The following HDAC7 variants were observed in gnomAD, a reference collection of about 807,000 sequenced individuals.
HDAC7 encodes histone deacetylase 7A.
Under a neutral mutation model 115.5 loss-of-function variants are expected in HDAC7, and 26 were observed. The observed-to-expected ratio is 0.23, with a 90% CI of 0.16 to 0.31. HDAC7 has a LOEUF of 0.31. HDAC7 is among the 10% of genes least tolerant of loss of function. The pLI is 1.00. For missense variants in HDAC7, 1,068 were observed against 1,329.0 expected (o/e 0.80, Z 3.05); for synonymous variants, 564 against 550.9 (o/e 1.02, Z -0.33).
chr12:47,784,633 A>G, intron 24 of HDAC7: 4 of 1,274,098 alleles, frequency 3.1e-6, no homozygotes, highest in South Asian at 2.7e-5. Flanking sequence ...ACCAGTGCTC[A>G]GCCCAGCACT....
chr12:47,794,847 C>T lies in HDAC7; in HGVS notation c.1371G>A (p.Gln457=), dbSNP rs1441191264. ...DLETDGGGPG[Q]VVDDGLEHRE... is the part of the protein sequence containing the mutation. ...TGTGCTCCAGGCCATCGTCCACCAC[C>T]TGGCCCGGTCCCCCGCCATCTGTCT... Residue 457 remains glutamine, a synonymous_variant, in exon 12 of 26, where the codon CAG becomes CAA. Transcript: ENST00000080059. The T allele has an allele frequency of 6.2e-7, 1 of 1,613,398 alleles. No homozygotes were observed. The highest frequency in any genetic ancestry group is 1.7e-5 in the Admixed American group (1 of 60,012).
chr12:47,811,474 T>C (rs1350684672), intron 1 of HDAC7, among the ~76,000 whole-genome samples: 1 of 152,182 alleles, frequency 6.6e-6, no homozygotes, highest in Non-Finnish European at 1.5e-5. Flanking sequence ...AATCACTGAC[T>C]GAAAAAACAG....
intron 24 of HDAC7, 133 bp downstream of exon 24, chr12:47,785,254 C>A (rs1943111604): frequency 1.3e-6 from 1 of 745,234 alleles, no homozygotes; most frequent in Non-Finnish European, 2.3e-6. Flanking sequence ...GGGTCACTCA[C>A]AGGAATCTTA....
At position 47,795,126 on chromosome 12, in the gene HDAC7, G is replaced by A. The variant is rs1372856245; in HGVS notation, c.1284+58C>T. On this transcript the variant is annotated intron_variant, in intron 11 of 25. Transcript: ENST00000080059. This position sits in a 1 kb window ranked among gnomAD's most constrained non-coding sequence, Gnocchi z 4.3. ...CTTTCTAAGTACCCCTCTTCTTTTG[G>A]CCCCTAAGTCCCCAGTTAAACACTC... The A allele has an allele frequency of 4.6e-5, 66 of 1,438,878 alleles. No individual in the cohort carries two copies. Among genetic ancestry groups the A allele is most frequent in the Non-Finnish European group, 5.8e-5 (60 of 1,041,644 alleles). The allele number at this position is 1,438,878 out of a possible 1,614,324, so 89.1% of individuals were successfully genotyped here. A position where few individuals can be genotyped will look rare whatever the true frequency, so the allele number is the denominator to read the frequency against.
intron 1 of HDAC7, among the ~76,000 whole-genome samples, chr12:47,816,634 G>T (rs990342997): frequency 6.6e-6 from 1 of 152,174 alleles, no homozygotes; most frequent in Non-Finnish European, 1.5e-5. Flanking sequence ...TTTGCCTCTG[G>T]GAACTGGTCC....
intron 1 of HDAC7, among the ~76,000 whole-genome samples, chr12:47,810,801 A>C (rs1944618009): frequency 1.6e-5 from 2 of 127,596 alleles, no homozygotes; most frequent in Non-Finnish European, 3.3e-5. Flanking sequence ...TTGGGAGGAA[A>C]AGGTCTCTCT....
Position 47,795,818 on chromosome 12 carries a change from A to AGC in HDAC7, c.907-52_907-51insGC. The stretch of plus-strand genomic sequence containing the variant: ...GGGGAAGAAGATTCCAGCAGAGAAC[A>AGC]ATGAAGATGATGGGGTGAGGCAGCA... On this transcript the variant is annotated intron_variant, in intron 9 of 25. Transcript: ENST00000080059. This position sits in a 1 kb window ranked among gnomAD's most constrained non-coding sequence, Gnocchi z 4.3. 1 of 1,522,304 alleles carries AGC rather than the reference A, an allele frequency of 6.6e-7. No homozygotes were observed. Among genetic ancestry groups the AGC allele is most frequent in the Non-Finnish European group, 8.8e-7 (1 of 1,130,636 alleles). 94.3% of individuals were successfully genotyped at this position (1,522,304 alleles called of 1,614,324 possible). A position where few individuals can be genotyped will look rare whatever the true frequency, so the allele number is the denominator to read the frequency against.
chr12:47,815,077 G>A (rs1297631575), intron 1 of HDAC7, among the ~76,000 whole-genome samples: 1 of 152,192 alleles, frequency 6.6e-6, no homozygotes, highest in African/African-American at 2.4e-5. Context: ...GCAAGGCTCA[G>A]CTAGGATCCA....
chr12:47,791,797 C>CCGG, intron 14 of HDAC7, 74 bp downstream of exon 14: 1 of 1,567,472 alleles, frequency 6.4e-7, no homozygotes, highest in Non-Finnish European at 8.7e-7. Flanking sequence ...TCATGGGCCC[C>CCGG]AGGGCCCCCC....
At chr12:47,788,644 A>T (rs1943305439) in intron 19 of HDAC7, 1 of 154,092 alleles carries the variant, frequency 6.5e-6, no homozygotes, top group Admixed American at 6.5e-5. Flanking sequence ...CCATGCGGGA[A>T]CTCAAGTGTG....
chr12:47,792,849 C>T (rs1943602527), intron 13 of HDAC7: 2 of 370,284 alleles, frequency 5.4e-6, no homozygotes, highest in African/African-American at 4.2e-5. Context: ...AATATGTTAA[C>T]TAAGTAAAGC....
At position 47,787,918 on chromosome 12, in the gene HDAC7, G is replaced by A. The variant is rs1350565929; in HGVS notation, c.2356-109C>T. 1.9e-6 allele frequency: 3 copies of A among 1,538,984 alleles called. No homozygotes were observed. In the African/African-American group the frequency reaches 4.1e-5, roughly 21 times the overall value. On this transcript the variant is annotated intron_variant, in intron 20 of 25. Coordinates refer to ENST00000080059, the MANE Select transcript of HDAC7 (RefSeq NM_015401.5). ...TCATCCAGCCTCCCCATTTCCAGGT[G>A]GGGAAGTTTAGGATCAGAGAGGCTC...
chr12:47,789,238 G>C (rs1456871077), intron 19 of HDAC7, 23 bp downstream of exon 19: 1 of 1,577,796 alleles, frequency 6.3e-7, no homozygotes, highest in Non-Finnish European at 8.7e-7. Flanking sequence ...TCGAATTGGA[G>C]GGTGCTACGG....
chr12:47,783,239 C>G lies in HDAC7; in HGVS notation c.*602G>C, dbSNP rs977539717. ...GGGGGCCTCTGGCGAGGGTACGGAC[C>G]AGATGGAGGGCTGCCAGTCTCGGCT... On this transcript the variant is annotated 3_prime_UTR_variant, in exon 26 of 26. Transcript: ENST00000080059. The G allele has an allele frequency of 1.9e-5, 3 of 155,780 alleles. No homozygotes were observed. In the East Asian group the frequency reaches 5.7e-4, roughly 29 times the overall value. The allele number at this position is 155,780 out of a possible 1,614,324, so 9.6% of individuals were successfully genotyped here.
intron 12 of HDAC7, among the ~76,000 whole-genome samples, chr12:47,794,319 C>T (rs530965056): frequency 3.2e-4 from 48 of 152,378 alleles, no homozygotes; most frequent in Middle Eastern, 3.4e-3. Context: ...CTGTTTAAGG[C>T]GCCCAGCCTG....
intron 1 of HDAC7, among the ~76,000 whole-genome samples, chr12:47,816,669 T>C (rs1467154487): frequency 6.6e-6 from 1 of 152,230 alleles, no homozygotes; most frequent in African/African-American, 2.4e-5. Flanking sequence ...TATGCTCTGC[T>C]GATGAAAACA....
In HDAC7 at chr12:47,795,769, T is replaced by TG. The variant is rs1324660308; in HGVS notation, c.907-3dup. ...ATGGGTCCTGCGGTCACTGTCAGCC[T>TG]GGGGGAGAGGCGGGAGAAGTCACGG... On this transcript the variant is annotated splice_polypyrimidine_tract_variant and splice_region_variant and intron_variant, in intron 9 of 25. Coordinates refer to ENST00000080059, the MANE Select transcript of HDAC7 (RefSeq NM_015401.5). This position sits in a 1 kb window ranked among gnomAD's most constrained non-coding sequence, Gnocchi z 4.3. 1.5e-5 allele frequency: 23 copies of TG among 1,524,908 alleles called. No homozygotes were observed. The highest frequency in any genetic ancestry group is 2.1e-5 in the Admixed American group (1 of 48,298). The allele number at this position is 1,524,908 out of a possible 1,614,324, so 94.5% of individuals were successfully genotyped here.
At chr12:47,784,407 G>C (rs1224756219) in intron 24 of HDAC7, 190 bp from the exon 25 acceptor site, 1 of 643,826 alleles carries the variant, frequency 1.6e-6, no homozygotes, top group Admixed American at 3.0e-5. Flanking sequence ...GCCTGACAGG[G>C]TACACAGAGT....
intron 1 of HDAC7, among the ~76,000 whole-genome samples, chr12:47,815,449 T>C (rs1200520381): frequency 6.6e-6 from 1 of 152,146 alleles, no homozygotes; most frequent in Non-Finnish European, 1.5e-5. Context: ...CTACATACCT[T>C]CTGTGGGTCT....
Sources: allele counts gnomAD v4.1 joint callset (sites outside exome capture counted in the v4.1 genomes callset), GRCh38; gene constraint gnomAD v4.1.1; non-coding constraint Gnocchi (gnomAD v3.1); transcripts MANE v1.5; gene names NCBI Gene and HGNC (gene_info 2026-07-23, HGNC 2026-07-21).